Variants in TBC1D22A observed in about 807,000 individuals in gnomAD.
The protein encoded by TBC1D22A is TBC1 domain family member 22A.
A neutral mutation model predicts 60.2 loss-of-function variants in TBC1D22A; 38 were observed. The observed-to-expected ratio is 0.63, with a 90% CI of 0.49 to 0.83. The LOEUF (loss-of-function observed/expected upper bound fraction) is 0.83, where lower values mean the gene tolerates loss of function less well. Among genes scored for constraint, TBC1D22A ranks in the 40% least tolerant of loss-of-function variants. TBC1D22A has a pLI of 0.00. For synonymous variants in TBC1D22A, 302 were observed against 281.7 expected, an observed-to-expected ratio of 1.07 and a Z score of -0.72; for missense variants, 628 against 701.0, an observed-to-expected ratio of 0.90 and a Z score of 1.18.
At chr22:46,843,949 G>C (rs2086883995) in intron 4 of TBC1D22A, among the ~76,000 whole-genome samples, 2 of 151,974 alleles carry the variant, frequency 1.3e-5, no homozygotes, top group South Asian at 4.2e-4. Context: ...GCTGGGGCCA[G>C]AAAGCATTTG....
rs2067434847 is a variant in TBC1D22A at position 47,149,872 on chromosome 22, T to G, written c.1426-23626T>G. 2.0e-5 allele frequency among the ~76,000 whole-genome samples: 3 copies of G among 152,298 alleles called. No individual in the cohort carries two copies. In the South Asian group the frequency reaches 6.2e-4, roughly 32 times the overall value. The stretch of plus-strand genomic sequence containing the variant: ...CACCTTAATGGGATGCCTTGGGCCT[T>G]TTGGCCTAGCCCTCATCTCTGGTCT... On this transcript the variant is annotated intron_variant, in intron 12 of 12. Transcript: ENST00000337137.
At chr22:46,765,957 A>ATGTGTGTG (rs747869318) in intron 1 of TBC1D22A, among the ~76,000 whole-genome samples, 81 of 128,656 alleles carry the variant, frequency 6.3e-4, no homozygotes, top group Non-Finnish European at 1.1e-3. Flanking sequence ...CAGCTAATTT[A>ATGTGTGTG]TGTGTGTGTG....
At chr22:46,847,594 G>C (rs1000368078) in intron 4 of TBC1D22A, among the ~76,000 whole-genome samples, 2 of 152,178 alleles carry the variant, frequency 1.3e-5, no homozygotes, top group Non-Finnish European at 2.9e-5. Context: ...GGAAAATGTG[G>C]GGTGTGTTGG....
intron 10 of TBC1D22A, among the ~76,000 whole-genome samples, chr22:47,014,012 C>T (rs978113592): frequency 2.5e-4 from 38 of 152,206 alleles, no homozygotes; most frequent in African/African-American, 8.9e-4. Flanking sequence ...TGGGGGTGGG[C>T]GCTGGACCCA....
chr22:46,965,176 A>C (rs1282163996), intron 8 of TBC1D22A, among the ~76,000 whole-genome samples: 1 of 152,260 alleles, frequency 6.6e-6, no homozygotes, highest in Admixed American at 6.5e-5. Flanking sequence ...TCTGAACAGC[A>C]GAGGAACCTG....
At chr22:47,152,632 C>T (rs909317034) in intron 12 of TBC1D22A, among the ~76,000 whole-genome samples, 1 of 152,252 alleles carries the variant, frequency 6.6e-6, no homozygotes, top group African/African-American at 2.4e-5. Context: ...CTTGGTGGCT[C>T]TCCTTGCTTA....
chr22:46,784,790 C>T (rs1389622660), intron 1 of TBC1D22A, among the ~76,000 whole-genome samples: 3 of 152,136 alleles, frequency 2.0e-5, no homozygotes, highest in East Asian at 1.9e-4. Context: ...TATTGATAAA[C>T]GCTATTTGTA....
chr22:46,978,504 A>G (rs759667284), intron 9 of TBC1D22A, among the ~76,000 whole-genome samples: 25 of 152,346 alleles, frequency 1.6e-4, no homozygotes, highest in Non-Finnish European at 2.2e-4. Flanking sequence ...GAATTCTTGT[A>G]TCTACTTCTA....
At chr22:46,968,383 A>T (rs1289713823) in intron 8 of TBC1D22A, among the ~76,000 whole-genome samples, 1 of 152,250 alleles carries the variant, frequency 6.6e-6, no homozygotes, top group Non-Finnish European at 1.5e-5. Flanking sequence ...TGGACCCCAC[A>T]GGGGGCTTTT....
intron 10 of TBC1D22A, 80 bp from the exon 11 acceptor site, chr22:47,036,991 T>A: frequency 6.3e-7 from 1 of 1,586,330 alleles, no homozygotes; most frequent in South Asian, 1.1e-5. Flanking sequence ...GCGCAGGCCC[T>A]TGGGGGACAA....
intron 9 of TBC1D22A, among the ~76,000 whole-genome samples, chr22:46,979,191 T>A (rs375919384): frequency 1.3e-5 from 2 of 152,290 alleles, no homozygotes; most frequent in East Asian, 1.9e-4. Context: ...ATAAGTTTCA[T>A]CGTATGATCA....
chr22:47,033,497 T>C (rs995186494), intron 10 of TBC1D22A, among the ~76,000 whole-genome samples: 14 of 152,118 alleles, frequency 9.2e-5, no homozygotes, highest in African/African-American at 3.4e-4. Context: ...CAGTTGTGTG[T>C]ACTGGGGGCC....
intron 11 of TBC1D22A, among the ~76,000 whole-genome samples, chr22:47,063,555 T>A (rs565295721): frequency 5.9e-5 from 9 of 152,056 alleles, no homozygotes; most frequent in African/African-American, 2.2e-4. Context: ...CCGGGAATGT[T>A]TGGGGAGCAC....
Position 46,814,373 on chromosome 22 carries a change from A to G in TBC1D22A, c.637+16753A>G, listed in dbSNP as rs1206907585. On this transcript the variant is annotated intron_variant, in intron 4 of 12. Coordinates refer to ENST00000337137, the MANE Select transcript of TBC1D22A (RefSeq NM_014346.5). ...GAAGGGGTTAAGAAACATGCCTGACATTCCAAGATTTTGACGTCACAGAGC... is the reference window on the plus strand; with the variant it reads ...GAAGGGGTTAAGAAACATGCCTGACGTTCCAAGATTTTGACGTCACAGAGC... 6.6e-5 allele frequency among the ~76,000 whole-genome samples: 10 copies of G among 152,306 alleles called. No homozygotes were observed. In the South Asian group the frequency reaches 2.1e-3, roughly 32 times the overall value.
chr22:46,899,986 A>T (rs2068896224), intron 7 of TBC1D22A, among the ~76,000 whole-genome samples: 1 of 152,092 alleles, frequency 6.6e-6, no homozygotes, highest in Non-Finnish European at 1.5e-5. Context: ...ACATTTGCTT[A>T]TCCATTCCAC....
intron 8 of TBC1D22A, among the ~76,000 whole-genome samples, chr22:46,954,126 A>G (rs1371279602): frequency 6.6e-6 from 1 of 152,192 alleles, no homozygotes; most frequent in East Asian, 1.9e-4. Flanking sequence ...CAGGGCCCAT[A>G]GGCACTAGAG....
At chr22:46,991,184 A>G (rs1260762606) in intron 9 of TBC1D22A, among the ~76,000 whole-genome samples, 2 of 152,192 alleles carry the variant, frequency 1.3e-5, no homozygotes, top group Non-Finnish European at 2.9e-5. Flanking sequence ...GATCAGAGAA[A>G]TGAACCTGGC....
chr22:46,959,022 C>CT (rs1376249789), intron 8 of TBC1D22A, among the ~76,000 whole-genome samples: 2 of 152,158 alleles, frequency 1.3e-5, no homozygotes, highest in Non-Finnish European at 2.9e-5. Flanking sequence ...CGGGCATTGG[C>CT]TGTCGCTCAC....
At chr22:46,933,109 C>T (rs934603471) in intron 8 of TBC1D22A, among the ~76,000 whole-genome samples, 1 of 152,188 alleles carries the variant, frequency 6.6e-6, no homozygotes, top group Non-Finnish European at 1.5e-5. Flanking sequence ...ACTTGCATTT[C>T]CTCCCTCTGG....
Sources: gnomAD v4.1 joint callset for allele counts (sites outside exome capture counted in the v4.1 genomes callset) on GRCh38, gnomAD v4.1.1 for gene constraint, MANE v1.5 for transcripts, NCBI Gene and HGNC (gene_info 2026-07-23, HGNC 2026-07-21) for gene names.